The following ZNF697 variants were observed in gnomAD, a reference collection of about 807,000 sequenced individuals.
ZNF697 encodes the protein zinc finger protein 697.
In ZNF697, 23 loss-of-function variants were observed where a neutral mutation model predicts 32.4. The ratio of observed to expected loss-of-function variants is 0.71; its 90% CI spans 0.51 to 1.01. The LOEUF (loss-of-function observed/expected upper bound fraction) is 1.01. ZNF697 is among the 50% of genes least tolerant of loss of function. The probability of loss-of-function intolerance (pLI) is 0.00; values close to 1 mark genes in which losing one functional copy is unlikely to be tolerated. For missense variants in ZNF697, 930 were observed against 794.0 expected (o/e 1.17, Z -2.06); for synonymous variants, 418 against 337.2 (o/e 1.24, Z -2.62).
chr1:119,642,941 G>A (rs1413614057), intron 1 of ZNF697, among the ~76,000 whole-genome samples: 1 of 152,106 alleles, frequency 6.6e-6, no homozygotes, highest in Admixed American at 6.5e-5. Flanking sequence ...CAGGTATGGG[G>A]GACAAAAAAT....
chr1:119,626,165 C>T, intron 1 of ZNF697, 28 bp from the exon 2 acceptor site: 3 of 1,601,582 alleles, frequency 1.9e-6, no homozygotes, highest in South Asian at 2.2e-5. Flanking sequence ...AAAGAAAGGT[C>T]ACGTCAGTCC....
chr1:119,628,073 C>A (rs1268902308), intron 1 of ZNF697, among the ~76,000 whole-genome samples: 1 of 75,964 alleles, frequency 1.3e-5, no homozygotes, highest in Non-Finnish European at 2.6e-5. Context: ...GGGCGGGGGG[C>A]GGGGGGAGTT....
chr1:119,626,639 AT>A (rs1648599061), intron 1 of ZNF697, among the ~76,000 whole-genome samples: 1 of 152,248 alleles, frequency 6.6e-6, no homozygotes, highest in Non-Finnish European at 1.5e-5. Context: ...TCGTGCAAGT[AT>A]TTTGGCTAAT....
chr1:119,623,260 G>A lies in ZNF697; in HGVS notation c.1083C>T (p.Gly361=). The A allele has an allele frequency of 6.5e-7, 1 of 1,540,706 alleles. No individual in the cohort carries two copies. Among genetic ancestry groups the A allele is most frequent in the South Asian group, 1.2e-5 (1 of 83,906 alleles). The stretch of plus-strand genomic sequence containing the variant: ...TGGCCAGGTGCGAACGGCGCACGAA[G>A]CCCTTGCCGCACTCCCCGCAGGCGA... ...RPFACGECGK[G]FVRRSHLANH... Residue 361 remains glycine (G), a synonymous_variant, in exon 3 of 3, where the codon GGC becomes GGT. Transcript: ENST00000421812.
At chr1:119,640,589 C>T (rs2101094726) in intron 1 of ZNF697, among the ~76,000 whole-genome samples, 1 of 152,312 alleles carries the variant, frequency 6.6e-6, no homozygotes, top group African/African-American at 2.4e-5. Flanking sequence ...AAGGGTTTAA[C>T]CCTTGATTCA....
At position 119,623,890 on chromosome 1, in the gene ZNF697, A is replaced by C; in HGVS notation, c.453T>G (p.Ser151Arg). 1 of 1,544,592 alleles carries C rather than the reference A, an allele frequency of 6.5e-7. No homozygotes were observed. Among genetic ancestry groups the C allele is most frequent in the Non-Finnish European group, 8.7e-7 (1 of 1,142,868 alleles). ...LPWRRHLSLG[S>R]RHRGDKPAHR... ...GGGCGGGCTTGTCACCTCGGTGCCGACTCCCCAGGGAGAGATGTCGCCTCC... is the reference window on the plus strand; with the variant it reads ...GGGCGGGCTTGTCACCTCGGTGCCGCCTCCCCAGGGAGAGATGTCGCCTCC... Residue 151 changes from serine to arginine, a missense_variant, in exon 3 of 3, where the codon AGT becomes AGG. By Grantham distance (110) the Ser-to-Arg change is moderately radical. Coordinates refer to ENST00000421812, the MANE Select transcript of ZNF697 (RefSeq NM_001080470.2).
Position 119,631,908 on chromosome 1 carries a change from A to G in ZNF697, c.-37-5771T>C, listed in dbSNP as rs375543335. On this transcript the variant is annotated intron_variant, in intron 1 of 2. Coordinates refer to ENST00000421812, the MANE Select transcript of ZNF697 (RefSeq NM_001080470.2). ...GCCCCCCTGCCCACCACTATTTCCC[A>G]AGGGAGCGCTTCCATAGCAGAGTCC... Among the ~76,000 whole-genome samples the G allele has an allele frequency of 8.4e-4, 128 of 152,124 alleles. 1 individual carries two copies. The highest frequency in any genetic ancestry group is 3.0e-3 in the African/African-American group (125 of 41,528).
chr1:119,624,078 C>T lies in ZNF697; in HGVS notation c.265G>A (p.Gly89Arg), dbSNP rs1203162157. The change falls in exon 3 of 3, where the codon GGG (glycine) becomes AGG (arginine). Residue 89 changes from glycine (G) to arginine (R), a missense_variant. Transcript: ENST00000421812. ...ACACCGGATTGGTCATCCTCTTCCC[C>T]ACGGACAGAAACGCCTTCTTCCTCA... ...LSEEEGVSVRGEEDDQSGVAD... is the reference protein window; with the variant it reads ...LSEEEGVSVRREEDDQSGVAD... The T allele has an allele frequency of 3.8e-6, 6 of 1,595,666 alleles. No individual in the cohort carries two copies. The highest frequency in any genetic ancestry group is 1.7e-5 in the Admixed American group (1 of 57,840).
chr1:119,628,075 G>T, intron 1 of ZNF697, among the ~76,000 whole-genome samples: 1 of 130,576 alleles, frequency 7.7e-6, no homozygotes, highest in Non-Finnish European at 1.6e-5. Context: ...GCGGGGGGCG[G>T]GGGGAGTTAA....
Position 119,622,647 on chromosome 1 carries a change from C to A in ZNF697, c.*58G>T. ...CCCCACTTCCTTCCCCTGGGTCAGT[C>A]CCAGGATATCTACCCCCCACAGGCT... is the stretch of plus-strand genomic sequence containing the variant. On this transcript the variant is annotated 3_prime_UTR_variant, in exon 3 of 3. Coordinates refer to ENST00000421812, the MANE Select transcript of ZNF697 (RefSeq NM_001080470.2). 6.9e-7 allele frequency: 1 copy of A among 1,458,202 alleles called. No individual in the cohort carries two copies. The highest frequency in any genetic ancestry group is 1.4e-5 in the South Asian group (1 of 70,792). 90.3% of individuals were successfully genotyped at this position (1,458,202 alleles called of 1,614,324 possible). A position where few individuals can be genotyped will look rare whatever the true frequency, so the allele number is the denominator to read the frequency against.
intron 1 of ZNF697, among the ~76,000 whole-genome samples, chr1:119,633,210 C>T (rs1204158142): frequency 7.9e-5 from 12 of 152,174 alleles, no homozygotes; most frequent in Admixed American, 5.9e-4. Flanking sequence ...CTCAATTTTG[C>T]GGATGGTGTC....
At chr1:119,638,158 T>C (rs587710367) in intron 1 of ZNF697, among the ~76,000 whole-genome samples, 8 of 152,340 alleles carry the variant, frequency 5.3e-5, no homozygotes, top group South Asian at 2.1e-4. Flanking sequence ...TCAAACTATA[T>C]TATATTTTCT....
chr1:119,635,865 A>G (rs1277060329), intron 1 of ZNF697, among the ~76,000 whole-genome samples: 1 of 152,236 alleles, frequency 6.6e-6, no homozygotes, highest in African/African-American at 2.4e-5. Context: ...AACTCTGAGG[A>G]TGCCAGTCAA....
At chr1:119,643,113 G>A (rs991153808) in intron 1 of ZNF697, among the ~76,000 whole-genome samples, 1 of 152,198 alleles carries the variant, frequency 6.6e-6, no homozygotes, top group South Asian at 2.1e-4. Context: ...ATTATGGTAA[G>A]ATCCTGATAA....
chr1:119,636,951 C>T (rs773343419), intron 1 of ZNF697, among the ~76,000 whole-genome samples: 1 of 152,298 alleles, frequency 6.6e-6, no homozygotes, highest in South Asian at 2.1e-4. Context: ...CTCTCTTGGA[C>T]GTATCTAATT....
chr1:119,619,511 A>C lies in ZNF697; in HGVS notation c.*3194T>G, dbSNP rs1648243741. ...CCAAGGAACCATCGTTAAATAAAACAACCTGAAAATAAGGCAAATCTCACG... is the reference window on the plus strand; with the variant it reads ...CCAAGGAACCATCGTTAAATAAAACCACCTGAAAATAAGGCAAATCTCACG... On this transcript the variant is annotated 3_prime_UTR_variant, in exon 3 of 3. Transcript: ENST00000421812. The C allele has an allele frequency of 6.6e-6, 1 of 152,520 alleles. No homozygotes were observed. The highest frequency in any genetic ancestry group is 6.5e-5 in the Admixed American group (1 of 15,284). 9.4% of individuals were successfully genotyped at this position (152,520 alleles called of 1,614,324 possible).
Position 119,622,638 on chromosome 1 carries a change from T to C in ZNF697, c.*67A>G, listed in dbSNP as rs1648371375. 7.1e-7 allele frequency: 1 copy of C among 1,402,362 alleles called. No homozygotes were observed. Among genetic ancestry groups the C allele is most frequent in the Admixed American group, 2.8e-5 (1 of 35,366 alleles). 86.9% of individuals were successfully genotyped at this position (1,402,362 alleles called of 1,614,324 possible). A position where few individuals can be genotyped will look rare whatever the true frequency, so the allele number is the denominator to read the frequency against. On this transcript the variant is annotated 3_prime_UTR_variant, in exon 3 of 3. Transcript: ENST00000421812. ...CCGCCCCTTCCCCACTTCCTTCCCC[T>C]GGGTCAGTCCCAGGATATCTACCCC...
At position 119,624,075 on chromosome 1, in the gene ZNF697, C is replaced by T; in HGVS notation, c.268G>A (p.Glu90Lys). The T allele has an allele frequency of 6.3e-7, 1 of 1,596,214 alleles. No homozygotes were observed. Among genetic ancestry groups the T allele is most frequent in the Non-Finnish European group, 8.5e-7 (1 of 1,170,140 alleles). The change falls in exon 3 of 3, where the codon GAA (glutamate) becomes AAA (lysine). Residue 90 changes from glutamate to lysine, a missense_variant. By Grantham distance (56) the Glu-to-Lys change is moderately conservative. Transcript: ENST00000421812. The stretch of plus-strand genomic sequence containing the variant: ...GCTACACCGGATTGGTCATCCTCTT[C>T]CCCACGGACAGAAACGCCTTCTTCC... ...SEEEGVSVRGEEDDQSGVADM... is the reference protein window; with the variant it reads ...SEEEGVSVRGKEDDQSGVADM...
At chr1:119,628,203 G>C (rs773996958) in intron 1 of ZNF697, among the ~76,000 whole-genome samples, 1 of 152,110 alleles carries the variant, frequency 6.6e-6, no homozygotes, top group Non-Finnish European at 1.5e-5. Context: ...GAGGTACAGT[G>C]CCCAGCATGG....
Sources: gnomAD v4.1 joint callset for allele counts (sites outside exome capture counted in the v4.1 genomes callset) on GRCh38, gnomAD v4.1.1 for gene constraint, MANE v1.5 for transcripts, NCBI Gene and HGNC (gene_info 2026-07-23, HGNC 2026-07-21) for gene names.